Variants in PLEKHA1 observed in about 807,000 individuals in gnomAD.
PLEKHA1 encodes the protein pleckstrin homology domain-containing family A member 1.
In PLEKHA1, 34 loss-of-function variants were observed where a neutral mutation model predicts 52.0. That is an observed-to-expected ratio of 0.65 (90% CI 0.50 to 0.87). PLEKHA1 has a LOEUF of 0.87. PLEKHA1 is among the 40% of genes least tolerant of loss of function. The pLI is 0.00. For synonymous variants in PLEKHA1, 163 were observed against 170.7 expected, an observed-to-expected ratio of 0.95 and a Z score of 0.35; for missense variants, 497 against 504.2, an observed-to-expected ratio of 0.99 and a Z score of 0.14.
At chr10:122,392,011 A>T (rs1297547175) in intron 1 of PLEKHA1, among the ~76,000 whole-genome samples, 1 of 152,190 alleles carries the variant, frequency 6.6e-6, no homozygotes, top group Admixed American at 6.5e-5. Flanking sequence ...CTGCCAAAAG[A>T]TGTGATGGTG....
intron 1 of PLEKHA1, chr10:122,387,938 A>C (rs2096723115): frequency 6.6e-6 from 1 of 152,244 alleles, no homozygotes; most frequent in East Asian, 1.9e-4. Flanking sequence ...TTTCAAACTA[A>C]GAAGTAAGAT....
chr10:122,422,856 G>A (rs1193873239), intron 8 of PLEKHA1: 2 of 152,100 alleles, frequency 1.3e-5, no homozygotes, highest in Non-Finnish European at 2.9e-5. Flanking sequence ...ACACTGAAGC[G>A]TTTAGTAAAG....
chr10:122,427,126 G>A, intron 11 of PLEKHA1, 95 bp downstream of exon 11: 1 of 1,194,334 alleles, frequency 8.4e-7, no homozygotes, highest in East Asian at 2.4e-5. Context: ...TTTCTTTCTT[G>A]AGATTTATTT....
intron 8 of PLEKHA1, chr10:122,418,896 T>G (rs2097218080): frequency 6.6e-6 from 1 of 152,220 alleles, no homozygotes; most frequent in Non-Finnish European, 1.5e-5. Flanking sequence ...TAGAACTTTC[T>G]GCACAAATGG....
chr10:122,433,467 G>A (rs1191977762), downstream of PLEKHA1: 1 of 152,114 alleles, frequency 6.6e-6, no homozygotes, highest in East Asian at 1.9e-4. Flanking sequence ...AATATACCAG[G>A]TTGCTTCCTA....
In PLEKHA1 at chr10:122,429,914, G is replaced by A; in HGVS notation, c.1191G>A (p.Ala397=). 7.4e-6 allele frequency: 12 copies of A among 1,613,596 alleles called. No individual in the cohort carries two copies. Among genetic ancestry groups the A allele is most frequent in the Non-Finnish European group, 1.0e-5 (12 of 1,179,740 alleles). ...KDCDLVDLDD[A]SLPVSDV ...GTGACCTAGTAGACTTGGACGATGCGAGCCTTCCGGTCAGTGACGTGTGAG... is the reference window on the plus strand; with the variant it reads ...GTGACCTAGTAGACTTGGACGATGCAAGCCTTCCGGTCAGTGACGTGTGAG... Residue 397 remains alanine, a synonymous_variant, in exon 12 of 12, where the codon GCG becomes GCA. Transcript: ENST00000368990.
chr10:122,400,232 A>G (rs2134231607), intron 3 of PLEKHA1, 111 bp from the exon 4 acceptor site: 1 of 785,124 alleles, frequency 1.3e-6, no homozygotes, highest in African/African-American at 1.8e-5. Context: ...TCTGTTTACT[A>G]AATGTGTATG....
intron 6 of PLEKHA1, among the ~76,000 whole-genome samples, chr10:122,413,396 A>G (rs7908662): frequency 0.48 from 72,433 of 151,766 alleles, 17,919 homozygotes; most frequent in East Asian, 0.62. Flanking sequence ...TAGTTCTTCC[A>G]TGGATTTACC....
At chr10:122,400,319 A>G (rs9988734) in intron 3 of PLEKHA1, 24 bp from the exon 4 acceptor site, 255,492 of 1,584,234 alleles carry the variant, frequency 0.16, 21,784 homozygotes, top group Middle Eastern at 0.22. Flanking sequence ...GAAGTGAGGA[A>G]CCCGTCTCTA....
chr10:122,389,349 G>A (rs1040272885), intron 1 of PLEKHA1, among the ~76,000 whole-genome samples: 1 of 152,202 alleles, frequency 6.6e-6, no homozygotes, highest in Non-Finnish European at 1.5e-5. Context: ...TGCATTGTCA[G>A]TGAGCAGTGA....
downstream of PLEKHA1, chr10:122,434,620 A>G (rs2097431574): frequency 6.6e-6 from 1 of 151,712 alleles, no homozygotes; most frequent in Admixed American, 6.6e-5. Context: ...CACAATGTGC[A>G]GGTTAGTTAC....
At chr10:122,375,358 G>T (rs1465341766) in intron 1 of PLEKHA1, among the ~76,000 whole-genome samples, 1 of 152,250 alleles carries the variant, frequency 6.6e-6, no homozygotes, top group Non-Finnish European at 1.5e-5. Flanking sequence ...CGAGGCCGAA[G>T]CCGGCTCCGC....
chr10:122,381,927 A>G (rs2096620468), intron 1 of PLEKHA1, among the ~76,000 whole-genome samples: 1 of 152,156 alleles, frequency 6.6e-6, no homozygotes, highest in African/African-American at 2.4e-5. Flanking sequence ...AAGGCTGGAG[A>G]TAACAGTCTG....
rs576401408 is a variant in PLEKHA1 at position 122,384,596 on chromosome 10, G to A, written c.-20-8585G>A. Among the ~76,000 whole-genome samples, 5 of 119,896 alleles carry A rather than the reference G, an allele frequency of 4.2e-5. No homozygotes were observed. In the South Asian group the frequency reaches 1.5e-3, roughly 36 times the overall value. 78.7% of individuals were successfully genotyped at this position (119,896 alleles called of 152,430 possible). Reference sequence around the variant, plus strand: ...TGCACTCCAGCCTGGGTGACAGAGCGAGACTCTGTCTCAAAAAAAAAAAAA... The same window carrying A: ...TGCACTCCAGCCTGGGTGACAGAGCAAGACTCTGTCTCAAAAAAAAAAAAA... On this transcript the variant is annotated intron_variant, in intron 1 of 11. Transcript: ENST00000368990.
chr10:122,406,739 C>G, intron 5 of PLEKHA1, 66 bp downstream of exon 5: 1 of 1,198,116 alleles, frequency 8.3e-7, no homozygotes, highest in Non-Finnish European at 1.2e-6. Flanking sequence ...TTTGAAAATA[C>G]ACCTACCAAA....
intron 6 of PLEKHA1, among the ~76,000 whole-genome samples, chr10:122,413,293 T>C (rs1200764639): frequency 6.6e-6 from 1 of 152,170 alleles, no homozygotes; most frequent in African/African-American, 2.4e-5. Flanking sequence ...ATGAGTTGTA[T>C]ATTACATTTT....
At chr10:122,381,794 G>T (rs796998012) in intron 1 of PLEKHA1, among the ~76,000 whole-genome samples, 4 of 152,330 alleles carry the variant, frequency 2.6e-5, no homozygotes, top group African/African-American at 9.6e-5. Context: ...GCTAGGGAAG[G>T]CTGGATCAGG....
At chr10:122,380,225 C>T (rs566186808) in intron 1 of PLEKHA1, among the ~76,000 whole-genome samples, 18 of 152,254 alleles carry the variant, frequency 1.2e-4, no homozygotes, top group African/African-American at 4.1e-4. Flanking sequence ...TTACTTCATC[C>T]GTCGTTCAAC....
intron 1 of PLEKHA1, among the ~76,000 whole-genome samples, chr10:122,384,865 A>G (rs1279249367): frequency 6.6e-6 from 1 of 152,108 alleles, no homozygotes; most frequent in East Asian, 1.9e-4. Context: ...CTGAGGCATG[A>G]GAATTGCTTG....
Sources: gnomAD v4.1 joint callset for allele counts (sites outside exome capture counted in the v4.1 genomes callset) on GRCh38, gnomAD v4.1.1 for gene constraint, MANE v1.5 for transcripts, NCBI Gene and HGNC (gene_info 2026-07-23, HGNC 2026-07-21) for gene names.